NCOR2: variants seen among roughly 807,000 people sequenced by gnomAD.
The protein encoded by NCOR2 is nuclear receptor corepressor 2.
In NCOR2, 81 loss-of-function variants were observed where a neutral mutation model predicts 262.9. The observed-to-expected ratio is 0.31, with a 90% confidence interval of 0.26 to 0.37. The LOEUF is 0.37. NCOR2 is among the 10% of genes least tolerant of loss of function. The pLI, the probability that NCOR2 is intolerant of heterozygous loss-of-function variation, is 1.00. For synonymous variants in NCOR2, 1,659 were observed against 1,559.3 expected, an observed-to-expected ratio of 1.06 and a Z score of -1.51; for missense variants, 3,385 against 3,621.4, an observed-to-expected ratio of 0.93 and a Z score of 1.68.
At chr12:124,563,324 G>T (rs1475439917) in intron 1 of NCOR2, among the ~76,000 whole-genome samples, 1 of 152,236 alleles carries the variant, frequency 6.6e-6, no homozygotes, top group Non-Finnish European at 1.5e-5. Context: ...AAGGCTAGCT[G>T]GAGCCAAGTG....
chr12:124,430,877 C>A, intron 8 of NCOR2, 90 bp from the exon 11 acceptor site: 1 of 1,467,640 alleles, frequency 6.8e-7, no homozygotes, highest in Non-Finnish European at 9.2e-7. Flanking sequence ...GGCAGACACA[C>A]AGGTGCGTGC....
intron 5 of NCOR2, among the ~76,000 whole-genome samples, chr12:124,462,840 ACT>A (rs1172909507): frequency 6.6e-6 from 1 of 152,202 alleles, no homozygotes; most frequent in Non-Finnish European, 1.5e-5. Flanking sequence ...CTGTGCACAC[ACT>A]GAGTCCTAAT....
intron 25 of NCOR2, 81 bp downstream of exon 27, chr12:124,354,756 T>C: frequency 7.1e-7 from 1 of 1,412,462 alleles, no homozygotes; most frequent in Non-Finnish European, 9.7e-7. Context: ...TGGGCCAAGA[T>C]ACCCCTTCCT....
chr12:124,392,655 C>T (rs2041392245), intron 16 of NCOR2, among the ~76,000 whole-genome samples: 1 of 152,266 alleles, frequency 6.6e-6, no homozygotes, highest in South Asian at 2.1e-4. Flanking sequence ...CACAGGCGCT[C>T]CTCTTTTGGG....
chr12:124,368,638 G>A (rs1320072151), intron 20 of NCOR2, among the ~76,000 whole-genome samples: 1 of 152,218 alleles, frequency 6.6e-6, no homozygotes, highest in Non-Finnish European at 1.5e-5. Context: ...CAGGGCCTTT[G>A]CACTGGTGGT....
intron 1 of NCOR2, among the ~76,000 whole-genome samples, chr12:124,491,692 G>A (rs1056989636): frequency 6.6e-6 from 1 of 152,214 alleles, no homozygotes; most frequent in African/African-American, 2.4e-5. Flanking sequence ...GAAGAAGGCA[G>A]AATGCAGCTG....
At chr12:124,469,185 A>G (rs1340797361) in intron 4 of NCOR2, among the ~76,000 whole-genome samples, 1 of 152,086 alleles carries the variant, frequency 6.6e-6, no homozygotes, top group Non-Finnish European at 1.5e-5. Flanking sequence ...AGGGCATCAC[A>G]AGTGAGATCA....
Position 124,338,116 on chromosome 12 carries a change from G to A in NCOR2, c.5688-936C>T, listed in dbSNP as rs1277750871. 2.6e-5 allele frequency among the ~76,000 whole-genome samples: 4 copies of A among 152,342 alleles called. No individual in the cohort carries two copies. In the East Asian group the frequency reaches 5.8e-4, roughly 22 times the overall value. On this transcript the variant is annotated intron_variant, in intron 37 of 46. Coordinates refer to ENST00000405201, the Ensembl canonical transcript of NCOR2. ...TGCCATTTTTCATAATTGAAATAATGATTAGGGGAGGTATGACTTCAGGCA... is the reference window on the plus strand; with the variant it reads ...TGCCATTTTTCATAATTGAAATAATAATTAGGGGAGGTATGACTTCAGGCA...
chr12:124,491,809 C>T (rs998944579), intron 1 of NCOR2, among the ~76,000 whole-genome samples: 2 of 152,200 alleles, frequency 1.3e-5, no homozygotes, highest in Admixed American at 6.5e-5. Flanking sequence ...TGGAGACCCT[C>T]GCTTCCCCAG....
intron 10 of NCOR2, among the ~76,000 whole-genome samples, chr12:124,428,214 A>G (rs909101774): frequency 3.3e-5 from 5 of 152,182 alleles, no homozygotes; most frequent in Non-Finnish European, 7.4e-5. Context: ...CGGGATGTCC[A>G]TAAGTGCACA....
chr12:124,434,809 TA>T (rs1192249041), intron 8 of NCOR2, among the ~76,000 whole-genome samples: 1 of 152,088 alleles, frequency 6.6e-6, no homozygotes, highest in Non-Finnish European at 1.5e-5. Context: ...TATTTTCCAA[TA>T]GTGCAACAAC....
intron 16 of NCOR2, among the ~76,000 whole-genome samples, chr12:124,388,300 T>A (rs2040968078): frequency 6.6e-6 from 1 of 152,044 alleles, no homozygotes; most frequent in Non-Finnish European, 1.5e-5. Flanking sequence ...TGGCACTGGC[T>A]TCCTCTGGTT....
At chr12:124,552,859 T>TTA (rs1566054068) in intron 1 of NCOR2, among the ~76,000 whole-genome samples, 2 of 152,080 alleles carry the variant, frequency 1.3e-5, no homozygotes, top group African/African-American at 4.8e-5. Flanking sequence ...TTTTCTATGT[T>TTA]TTTTATAGAG....
intron 8 of NCOR2, among the ~76,000 whole-genome samples, chr12:124,434,526 G>T (rs1258428553): frequency 2.6e-5 from 4 of 152,012 alleles, no homozygotes; most frequent in African/African-American, 9.7e-5. Flanking sequence ...GGAGCCACTG[G>T]CGATCTTTAA....
chr12:124,345,682 T>C (rs1487398134), intron 31 of NCOR2, among the ~76,000 whole-genome samples: 1 of 152,228 alleles, frequency 6.6e-6, no homozygotes, highest in African/African-American at 2.4e-5. Flanking sequence ...ATGCGGTGGA[T>C]GCTTCCAAGG....
chr12:124,540,144 A>G (rs534822481), upstream of NCOR2, among the ~76,000 whole-genome samples: 10 of 151,436 alleles, frequency 6.6e-5, no homozygotes, highest in Admixed American at 1.3e-4. Flanking sequence ...CGGTACACCC[A>G]TAAGTGAGCA....
chr12:124,336,507 G>A (rs1450566182), intron 38 of NCOR2: 59 of 1,063,638 alleles, frequency 5.5e-5, no homozygotes, highest in Middle Eastern at 3.3e-4. Context: ...CGTGCAAACC[G>A]GCGAGGACGG....
chr12:124,547,277 G>A (rs2051572388), intron 1 of NCOR2, among the ~76,000 whole-genome samples: 1 of 152,170 alleles, frequency 6.6e-6, no homozygotes, highest in African/African-American at 2.4e-5. Context: ...ACAGGCATGA[G>A]CCACCACACC....
At chr12:124,335,156 G>A (rs1287719703) in exon 40 of NCOR2, 2 of 1,612,134 alleles carry the variant, frequency 1.2e-6, no homozygotes, top group Admixed American at 3.3e-5. Context: ...GGGCCAGGGT[G>A]ACCACCCGCT....
Sources: allele counts gnomAD v4.1 joint callset (sites outside exome capture counted in the v4.1 genomes callset), GRCh38; gene constraint gnomAD v4.1.1; transcripts MANE v1.5; gene names NCBI Gene and HGNC (gene_info 2026-07-23, HGNC 2026-07-21).